GOSR2: variants seen among roughly 807,000 people sequenced by gnomAD.
GOSR2 encodes the protein 27 kDa Golgi SNARE protein.
GOSR2 carries 20 observed loss-of-function variants against 27.9 expected under a neutral mutation model. That is an observed-to-expected ratio of 0.72 (90% CI 0.50 to 1.04). The LOEUF is 1.04. GOSR2 is among the 50% of genes least tolerant of loss of function. The pLI is 0.00. For synonymous variants in GOSR2, 91 were observed against 98.8 expected, an observed-to-expected ratio of 0.92 and a Z score of 0.47; for missense variants, 261 against 270.5, an observed-to-expected ratio of 0.97 and a Z score of 0.25.
chr17:46,958,431 G>A (rs145409820), intron 6 of GOSR2, among the ~76,000 whole-genome samples: 207 of 152,346 alleles, frequency 1.4e-3, no homozygotes, highest in African/African-American at 4.7e-3. Flanking sequence ...TCAGAGAATG[G>A]CTTCCTTTTA....
intron 6 of GOSR2, among the ~76,000 whole-genome samples, chr17:46,959,658 C>T (rs2090942951): frequency 6.6e-6 from 1 of 152,172 alleles, no homozygotes; most frequent in Non-Finnish European, 1.5e-5. Flanking sequence ...TAGCAGTCCC[C>T]TTATGCTGAA....
In GOSR2 at chr17:46,940,025, C is replaced by T; in HGVS notation, c.*1265C>T. 9.6e-7 allele frequency: 1 copy of T among 1,040,568 alleles called. No homozygotes were observed. The highest frequency in any genetic ancestry group is 1.2e-6 in the Non-Finnish European group (1 of 862,994). 64.5% of individuals were successfully genotyped at this position (1,040,568 alleles called of 1,614,324 possible). A position where few individuals can be genotyped will look rare whatever the true frequency, so the allele number is the denominator to read the frequency against. ...GGAAACCGGCTCAGTATTAACCCTA[C>T]CTTTGGTTGTCCTGCCCTACCTGCT... On this transcript the variant is annotated 3_prime_UTR_variant, in exon 6 of 6. Coordinates refer to ENST00000640051, the MANE Select transcript of GOSR2 (RefSeq NM_004287.5).
chr17:46,954,587 A>T (rs1457541132), intron 6 of GOSR2, among the ~76,000 whole-genome samples: 1 of 152,152 alleles, frequency 6.6e-6, no homozygotes, highest in Non-Finnish European at 1.5e-5. Context: ...CTTGATGGGG[A>T]TGACATTGAA....
intron 1 of GOSR2, 48 bp from the exon 2 acceptor site, chr17:46,929,472 C>T: frequency 1.1e-6 from 1 of 932,276 alleles, no homozygotes. Flanking sequence ...GACTGAAGCG[C>T]TGTTGATTAC....
At chr17:46,934,911 AT>A (rs1428990399) in intron 4 of GOSR2, 117 bp from the exon 5 acceptor site, 1 of 901,912 alleles carries the variant, frequency 1.1e-6, no homozygotes. Flanking sequence ...GGGTCCGCTG[AT>A]TCTTTCACCA....
chr17:46,938,833 G>A lies in GOSR2; in HGVS notation c.*73G>A, dbSNP rs2088849153. Reference sequence around the variant, plus strand: ...TGTGTGTGTGTGAAAGAGAGAGGGGGGCCCAGAGGCCGCCTTTTGAAATGT... The same window carrying A: ...TGTGTGTGTGTGAAAGAGAGAGGGGAGCCCAGAGGCCGCCTTTTGAAATGT... On this transcript the variant is annotated 3_prime_UTR_variant, in exon 6 of 6. Transcript: ENST00000640051. 1 of 1,607,656 alleles carries A rather than the reference G, an allele frequency of 6.2e-7. No individual in the cohort carries two copies. The highest frequency in any genetic ancestry group is 1.1e-5 in the South Asian group (1 of 90,470).
At position 46,962,328 on chromosome 17, in the gene GOSR2, C is replaced by CAAA. The variant is rs3048523; in HGVS notation, c.584-4194_584-4192dup. On this transcript the variant is annotated intron_variant, in intron 6 of 6. Transcript: ENST00000573224. ...TGGGCAATAGAGTGAGACTCCATCT[C>CAAA]AAAAAAAAAAAAAAGTATTGATCAG... Among the ~76,000 whole-genome samples, 252 of 139,330 alleles carry CAAA rather than the reference C, an allele frequency of 1.8e-3. 3 individuals are homozygous for CAAA. The East Asian group carries it at 0.026, about 14-fold the overall frequency. The allele number at this position is 139,330 out of a possible 152,430, so 91.4% of individuals were successfully genotyped here. A position where few individuals can be genotyped will look rare whatever the true frequency, so the allele number is the denominator to read the frequency against.
At chr17:46,967,297 C>G (rs573603962), downstream of GOSR2, among the ~76,000 whole-genome samples, 1 of 152,358 alleles carries the variant, frequency 6.6e-6, no homozygotes, top group South Asian at 2.1e-4. Flanking sequence ...GTCTCTTACC[C>G]TTGCTGGGCT....
At chr17:46,942,224 C>T (rs2089376702), downstream of GOSR2, among the ~76,000 whole-genome samples, 1 of 152,240 alleles carries the variant, frequency 6.6e-6, no homozygotes, top group Non-Finnish European at 1.5e-5. Flanking sequence ...GAAACGTCAT[C>T]TGTTACTGTC....
chr17:46,943,943 C>G (rs1184161464), downstream of GOSR2, among the ~76,000 whole-genome samples: 1 of 152,076 alleles, frequency 6.6e-6, no homozygotes, highest in Non-Finnish European at 1.5e-5. Flanking sequence ...AAGGCTAGGA[C>G]AGGCGTGACT....
In GOSR2 at chr17:46,937,731, C is replaced by A. The variant is rs376206497; in HGVS notation, c.478-868C>A. 8.5e-5 allele frequency: 13 copies of A among 152,334 alleles called. No homozygotes were observed. In the East Asian group the frequency reaches 2.3e-3, roughly 27 times the overall value. The allele number at this position is 152,334 out of a possible 1,614,324, so 9.4% of individuals were successfully genotyped here. Reference sequence around the variant, plus strand: ...TTCCTCCCAGTATGTTTCCAAGGTTCATTCATATTGTTACCTATTTAATTC... The same window carrying A: ...TTCCTCCCAGTATGTTTCCAAGGTTAATTCATATTGTTACCTATTTAATTC... On this transcript the variant is annotated intron_variant, in intron 5 of 5. Transcript: ENST00000640051.
chr17:46,972,997 GT>G (rs2091408332), intron 6 of GOSR2: 1 of 153,280 alleles, frequency 6.5e-6, no homozygotes, highest in African/African-American at 2.4e-5. Flanking sequence ...ACTTAGCCAG[GT>G]GGGAAAGTGT....
rs1330994397 is a variant in GOSR2 at position 46,929,576 on chromosome 17, CTG to C, written c.89_90del (p.Val30AlafsTer31). 1 of 1,501,726 alleles carries C rather than the reference CTG, an allele frequency of 6.7e-7. No homozygotes were observed. The highest frequency in any genetic ancestry group is 1.7e-5 in the Admixed American group (1 of 59,888). 93.0% of individuals were successfully genotyped at this position (1,501,726 alleles called of 1,614,324 possible). On this transcript the variant is annotated frameshift_variant, in exon 2 of 6. Coordinates refer to ENST00000640051, the MANE Select transcript of GOSR2 (RefSeq NM_004287.5). LOFTEE classifies it high-confidence loss of function. ...CGCCTGGAGACGGCAGACAAGCAGT[CTG>C]TGCACAGTGAGTAATTAACTGTGGA...
downstream of GOSR2, among the ~76,000 whole-genome samples, chr17:46,943,802 G>A (rs915917652): frequency 6.6e-6 from 1 of 152,260 alleles, no homozygotes; most frequent in African/African-American, 2.4e-5. Context: ...GAGAGGCATG[G>A]GGCCCCGTGA....
Position 46,940,479 on chromosome 17 carries a change from G to C in GOSR2, c.*1719G>C. On this transcript the variant is annotated 3_prime_UTR_variant, in exon 6 of 6. Coordinates refer to ENST00000640051, the MANE Select transcript of GOSR2 (RefSeq NM_004287.5). Reference sequence around the variant, plus strand: ...ACACACAGCACTGCTGCGGTGCCAGGGACCTAGCGCAGGACTTTTGGTAAT... The same window carrying C: ...ACACACAGCACTGCTGCGGTGCCAGCGACCTAGCGCAGGACTTTTGGTAAT... 6.2e-6 allele frequency: 10 copies of C among 1,612,606 alleles called. No individual in the cohort carries two copies. Among genetic ancestry groups the C allele is most frequent in the South Asian group, 5.5e-5 (5 of 91,090 alleles).
At chr17:46,953,186 A>G (rs1381345266) in intron 6 of GOSR2, among the ~76,000 whole-genome samples, 7 of 151,418 alleles carry the variant, frequency 4.6e-5, no homozygotes, top group Non-Finnish European at 1.0e-4. Context: ...TCCTAATGCT[A>G]TCCCTCCCCA....
At chr17:46,946,205 G>A (rs1188430242), downstream of GOSR2, among the ~76,000 whole-genome samples, 3 of 151,610 alleles carry the variant, frequency 2.0e-5, no homozygotes, top group East Asian at 5.8e-4. Context: ...GGAGGCCGAG[G>A]TGGGCAGATC....
At chr17:46,944,484 C>T (rs910382547), downstream of GOSR2, among the ~76,000 whole-genome samples, 2 of 152,196 alleles carry the variant, frequency 1.3e-5, no homozygotes, top group African/African-American at 4.8e-5. Flanking sequence ...AGGCAGTGAC[C>T]CTCAGCCTGG....
chr17:46,949,438 C>G (rs2147208144), intron 6 of GOSR2: 1 of 152,188 alleles, frequency 6.6e-6, no homozygotes, highest in East Asian at 1.9e-4. Flanking sequence ...TGCCATACTC[C>G]TTTGGCCGTG....
Sources: allele counts gnomAD v4.1 joint callset (sites outside exome capture counted in the v4.1 genomes callset), GRCh38; gene constraint gnomAD v4.1.1; transcripts MANE v1.5; gene names NCBI Gene and HGNC (gene_info 2026-07-23, HGNC 2026-07-21).